RHEB: variants seen among roughly 807,000 people sequenced by gnomAD.
RHEB encodes GTP-binding protein Rheb.
Under a neutral mutation model 28.8 loss-of-function variants are expected in RHEB, and 2 were observed. The observed-to-expected ratio is 0.07, with a 90% CI of 0.03 to 0.22. The LOEUF is 0.22. RHEB is among the 10% of genes least tolerant of loss of function. The pLI, the probability that RHEB is intolerant of heterozygous loss-of-function variation, is 1.00. For synonymous variants in RHEB, 69 were observed against 77.3 expected, an observed-to-expected ratio of 0.89 and a Z score of 0.56; for missense variants, 76 against 219.9, an observed-to-expected ratio of 0.35 and a Z score of 4.14.
At chr7:151,492,449 A>C (rs1309619745) in intron 1 of RHEB, among the ~76,000 whole-genome samples, 1 of 151,884 alleles carries the variant, frequency 6.6e-6, no homozygotes, top group Non-Finnish European at 1.5e-5. Flanking sequence ...TCCTGTCTCT[A>C]CTAAAAATAC....
Position 151,466,411 on chromosome 7 carries a change from A to T in RHEB, c.*708T>A, listed in dbSNP as rs904262128. 6.6e-6 allele frequency: 1 copy of T among 152,328 alleles called. No homozygotes were observed. Among genetic ancestry groups the T allele is most frequent in the African/African-American group, 2.4e-5 (1 of 41,454 alleles). 9.4% of individuals were successfully genotyped at this position (152,328 alleles called of 1,614,324 possible). On this transcript the variant is annotated 3_prime_UTR_variant, in exon 8 of 8. Transcript: ENST00000262187. Reference sequence around the variant, plus strand: ...TCCTTGACCAGGCTCCCGACCACGGAGCATTTCAGTCAAGGTCTAGGGATT... The same window carrying T: ...TCCTTGACCAGGCTCCCGACCACGGTGCATTTCAGTCAAGGTCTAGGGATT...
At chr7:151,482,550 A>G (rs527392540) in intron 3 of RHEB, among the ~76,000 whole-genome samples, 1 of 152,270 alleles carries the variant, frequency 6.6e-6, no homozygotes. Context: ...CCACAGTAAC[A>G]TTACATGAAA....
At chr7:151,519,436 G>A in intron 1 of RHEB, 24 bp downstream of exon 1, 1 of 1,405,492 alleles carries the variant, frequency 7.1e-7, no homozygotes, top group Non-Finnish European at 9.4e-7. Flanking sequence ...GCGCGAGGAG[G>A]CCGCGCGGCC....
intron 7 of RHEB, chr7:151,470,183 T>C (rs1442048290): frequency 6.5e-6 from 1 of 154,004 alleles, no homozygotes; most frequent in African/African-American, 2.4e-5. Flanking sequence ...CGGTTTCATC[T>C]AACAGAAAAA....
At chr7:151,519,392 G>T in intron 1 of RHEB, 68 bp downstream of exon 1, 1 of 1,197,760 alleles carries the variant, frequency 8.3e-7, no homozygotes. Context: ...TCGCAGGCCC[G>T]GCCGCGACCC....
intron 1 of RHEB, among the ~76,000 whole-genome samples, chr7:151,494,794 T>C (rs1028395882): frequency 6.6e-6 from 1 of 152,246 alleles, no homozygotes; most frequent in African/African-American, 2.4e-5. Context: ...TCATTAATTA[T>C]TTAACTAATC....
At chr7:151,480,093 G>A (rs934207977) in intron 3 of RHEB, among the ~76,000 whole-genome samples, 1 of 152,154 alleles carries the variant, frequency 6.6e-6, no homozygotes, top group African/African-American at 2.4e-5. Context: ...TGAGGGTGTA[G>A]GGAAATAGAC....
intron 3 of RHEB, among the ~76,000 whole-genome samples, chr7:151,484,349 T>A (rs1442545182): frequency 6.6e-6 from 1 of 152,188 alleles, no homozygotes; most frequent in Non-Finnish European, 1.5e-5. Context: ...CTTACAATGT[T>A]AATATATTTA....
chr7:151,501,845 GA>G, intron 1 of RHEB: 1 of 568,146 alleles, frequency 1.8e-6, no homozygotes, highest in Admixed American at 2.1e-5. Flanking sequence ...CTGCTGCCCA[GA>G]ACTGGGCCCT....
intron 1 of RHEB, among the ~76,000 whole-genome samples, chr7:151,506,056 T>C (rs539631146): frequency 6.6e-6 from 1 of 152,084 alleles, no homozygotes; most frequent in Admixed American, 6.5e-5. Context: ...AAGGCAGAGG[T>C]TACATAGGTG....
chr7:151,479,042 G>C (rs1394460695), intron 3 of RHEB, among the ~76,000 whole-genome samples: 2 of 152,000 alleles, frequency 1.3e-5, no homozygotes, highest in African/African-American at 4.8e-5. Flanking sequence ...AAGAATAATA[G>C]CAATATAACA....
intron 2 of RHEB, among the ~76,000 whole-genome samples, chr7:151,486,772 CTGGATTAGAGG>C (rs1482198788): frequency 6.6e-6 from 1 of 152,102 alleles, no homozygotes; most frequent in East Asian, 1.9e-4. Context: ...TGACACTGGC[CTGGATTAGAGG>C]TGGAGATATT....
chr7:151,509,041 G>A (rs1432615425), intron 1 of RHEB, among the ~76,000 whole-genome samples: 2 of 152,124 alleles, frequency 1.3e-5, no homozygotes, highest in South Asian at 4.1e-4. Flanking sequence ...GCACTCTTAT[G>A]CAGAATGAAA....
chr7:151,486,205 G>A (rs1802471206), intron 2 of RHEB, among the ~76,000 whole-genome samples: 1 of 152,202 alleles, frequency 6.6e-6, no homozygotes, highest in African/African-American at 2.4e-5. Context: ...TGAGAAGTAT[G>A]TAAGAAACAC....
intron 1 of RHEB, among the ~76,000 whole-genome samples, chr7:151,497,099 T>C (rs957537620): frequency 2.0e-5 from 3 of 152,094 alleles, no homozygotes; most frequent in Non-Finnish European, 4.4e-5. Context: ...CAAACCTCTA[T>C]GATCTTAATC....
intron 1 of RHEB, among the ~76,000 whole-genome samples, chr7:151,495,947 C>T (rs1310194295): frequency 2.0e-5 from 3 of 152,170 alleles, no homozygotes; most frequent in African/African-American, 7.2e-5. Context: ...CCCCTCCCAC[C>T]GACTCCCTAC....
chr7:151,506,446 C>G (rs1334728107), intron 1 of RHEB, among the ~76,000 whole-genome samples: 1 of 151,952 alleles, frequency 6.6e-6, no homozygotes, highest in East Asian at 1.9e-4. Flanking sequence ...TGTAAATGGA[C>G]ATCATAATGG....
intron 1 of RHEB, among the ~76,000 whole-genome samples, chr7:151,494,895 A>G (rs543027422): frequency 1.8e-4 from 27 of 152,332 alleles, no homozygotes; most frequent in African/African-American, 6.5e-4. Flanking sequence ...TGAAATCTTG[A>G]CAAGTCAGCA....
chr7:151,503,150 G>T (rs930276418), intron 1 of RHEB: 10 of 792,034 alleles, frequency 1.3e-5, no homozygotes, highest in Non-Finnish European at 2.3e-5. Context: ...AATGAGATAT[G>T]TTCTTTATTG....
Sources: gnomAD v4.1 joint callset for allele counts (sites outside exome capture counted in the v4.1 genomes callset) on GRCh38, gnomAD v4.1.1 for gene constraint, MANE v1.5 for transcripts, NCBI Gene and HGNC (gene_info 2026-07-23, HGNC 2026-07-21) for gene names.